The following RGS6 variants were observed in gnomAD, a reference collection of about 807,000 sequenced individuals.
The protein encoded by RGS6 is regulator of G-protein signaling 6.
Under a neutral mutation model 78.5 loss-of-function variants are expected in RGS6, and 30 were observed. That is an observed-to-expected ratio of 0.38 (90% CI 0.29 to 0.52). The LOEUF is 0.52. Among genes scored for constraint, RGS6 ranks in the 20% least tolerant of loss-of-function variants. RGS6 has a pLI of 0.85. For synonymous variants in RGS6, 206 were observed against 206.0 expected (o/e 1.00, Z 0.00); for missense variants, 495 against 609.7 (o/e 0.81, Z 1.98).
chr14:72,248,197 C>G (rs952242793), intron 2 of RGS6, among the ~76,000 whole-genome samples: 1 of 152,134 alleles, frequency 6.6e-6, no homozygotes, highest in African/African-American at 2.4e-5. Flanking sequence ...GCCTTTTTCT[C>G]TCTCCTAAGT....
the RGS6 span, among the ~76,000 whole-genome samples, chr14:71,876,473 C>CTTTTTT: frequency 9.7e-5 from 7 of 72,490 alleles, no homozygotes; most frequent in Admixed American, 1.9e-4. Context: ...GCAACCGCTG[C>CTTTTTT]TTTTTTTTTT....
chr14:72,099,173 G>T (rs1269065624), intron 2 of RGS6, among the ~76,000 whole-genome samples: 2 of 152,002 alleles, frequency 1.3e-5, no homozygotes, highest in Admixed American at 1.3e-4. Flanking sequence ...TTTTTTTGTT[G>T]TTTTTTGAAA....
At chr14:72,392,335 T>C (rs1403599861) in intron 3 of RGS6, among the ~76,000 whole-genome samples, 2 of 151,932 alleles carry the variant, frequency 1.3e-5, no homozygotes, top group Non-Finnish European at 2.9e-5. Flanking sequence ...CAGAGGAAGA[T>C]GGATATGAAG....
chr14:72,311,479 G>C (rs2068593458), intron 2 of RGS6, among the ~76,000 whole-genome samples: 1 of 151,518 alleles, frequency 6.6e-6, no homozygotes, highest in South Asian at 2.1e-4. Flanking sequence ...GGTTAAGTGA[G>C]CCTTTTGTAA....
intron 17 of RGS6, among the ~76,000 whole-genome samples, chr14:72,555,783 ATAAG>A (rs962963656): frequency 1.3e-5 from 2 of 152,254 alleles, no homozygotes; most frequent in Admixed American, 6.5e-5. Context: ...TGTTGTGGAC[ATAAG>A]TAAGTGCGGG....
At chr14:72,420,537 C>A (rs1445446866) in intron 3 of RGS6, among the ~76,000 whole-genome samples, 1 of 152,176 alleles carries the variant, frequency 6.6e-6, no homozygotes, top group South Asian at 2.1e-4. Context: ...CTGCCCCCAC[C>A]CCCATCCTTT....
intron 3 of RGS6, among the ~76,000 whole-genome samples, chr14:72,405,992 A>G (rs557983061): frequency 6.6e-6 from 1 of 152,254 alleles, no homozygotes; most frequent in South Asian, 2.1e-4. Flanking sequence ...CTGCGTCCAG[A>G]TGTTAAGGTT....
chr14:72,071,892 G>A (rs968114022), intron 2 of RGS6, among the ~76,000 whole-genome samples: 1 of 152,100 alleles, frequency 6.6e-6, no homozygotes, highest in African/African-American at 2.4e-5. Context: ...CTGTGTTATA[G>A]GCCACATCAA....
intron 3 of RGS6, among the ~76,000 whole-genome samples, chr14:72,424,322 C>A (rs553689458): frequency 6.6e-6 from 1 of 152,172 alleles, no homozygotes; most frequent in African/African-American, 2.4e-5. Flanking sequence ...AAATGTTTCA[C>A]TTAAAAAGAA....
At chr14:72,487,226 T>C (rs1413972262) in intron 12 of RGS6, among the ~76,000 whole-genome samples, 1 of 152,210 alleles carries the variant, frequency 6.6e-6, no homozygotes, top group Non-Finnish European at 1.5e-5. Context: ...AAATAAAACA[T>C]GGCGGTGCCA....
the RGS6 span, among the ~76,000 whole-genome samples, chr14:71,887,102 C>A: frequency 6.6e-6 from 1 of 152,166 alleles, no homozygotes; most frequent in African/African-American, 2.4e-5. Flanking sequence ...GCTGGAGCTG[C>A]AGCAGAGGAA....
the RGS6 span, among the ~76,000 whole-genome samples, chr14:72,611,147 A>G: frequency 6.6e-6 from 1 of 152,172 alleles, no homozygotes; most frequent in Admixed American, 6.5e-5. Flanking sequence ...CTCTGAGCCA[A>G]CATCCACACA....
intron 2 of RGS6, among the ~76,000 whole-genome samples, chr14:72,175,960 C>G (rs1030125723): frequency 8.5e-5 from 13 of 152,162 alleles, no homozygotes; most frequent in Non-Finnish European, 1.8e-4. Context: ...ACCAAGAGAT[C>G]CCCTACCTTG....
intron 13 of RGS6, among the ~76,000 whole-genome samples, chr14:72,505,639 T>TG (rs1362827173): frequency 6.6e-6 from 1 of 151,908 alleles, no homozygotes; most frequent in Non-Finnish European, 1.5e-5. Context: ...GGTAACAGAG[T>TG]GGAAAAAAAG....
At chr14:72,328,394 A>G (rs942152400) in intron 2 of RGS6, among the ~76,000 whole-genome samples, 8 of 152,150 alleles carry the variant, frequency 5.3e-5, no homozygotes, top group African/African-American at 1.9e-4. Flanking sequence ...CATAATAAGC[A>G]CTCAACAAAT....
chr14:72,192,977 TG>T (rs1174216494), intron 2 of RGS6, among the ~76,000 whole-genome samples: 2 of 139,724 alleles, frequency 1.4e-5, no homozygotes, highest in African/African-American at 5.3e-5. Context: ...GCTGCTGGGT[TG>T]GGTTTTTTTT....
At chr14:72,104,876 T>C (rs2095601576) in intron 2 of RGS6, among the ~76,000 whole-genome samples, 1 of 152,212 alleles carries the variant, frequency 6.6e-6, no homozygotes, top group African/African-American at 2.4e-5. Flanking sequence ...GCTCTCAGGT[T>C]ATGCCTGTTG....
chr14:72,393,145 C>T (rs2090407161), intron 3 of RGS6, among the ~76,000 whole-genome samples: 1 of 152,160 alleles, frequency 6.6e-6, no homozygotes, highest in Non-Finnish European at 1.5e-5. Flanking sequence ...CTGCCTAGTC[C>T]TACCTGAGGA....
At chr14:72,152,479 TTGAA>T (rs2096709042) in intron 2 of RGS6, among the ~76,000 whole-genome samples, 4 of 152,268 alleles carry the variant, frequency 2.6e-5, no homozygotes, top group Admixed American at 2.6e-4. Flanking sequence ...GGGGCAGCAA[TTGAA>T]TGAGACCACT....
Sources: gnomAD v4.1 joint callset for allele counts (sites outside exome capture counted in the v4.1 genomes callset) on GRCh38, gnomAD v4.1.1 for gene constraint, MANE v1.5 for transcripts, NCBI Gene and HGNC (gene_info 2026-07-23, HGNC 2026-07-21) for gene names.